NRXN1: variants seen among roughly 807,000 people sequenced by gnomAD.
NRXN1 encodes neurexin-1.
Under a neutral mutation model 150.9 loss-of-function variants are expected in NRXN1, and 39 were observed. That is an observed-to-expected ratio of 0.26 (90% CI 0.20 to 0.34). The LOEUF (loss-of-function observed/expected upper bound fraction) is 0.34. Ranked by LOEUF, NRXN1 falls within the 10% of genes least tolerant of loss-of-function variation. The pLI, the probability that NRXN1 is intolerant of heterozygous loss-of-function variation, is 1.00. For synonymous variants in NRXN1, 924 were observed against 757.0 expected, an observed-to-expected ratio of 1.22 and a Z score of -3.62; for missense variants, 1,815 against 1,949.9, an observed-to-expected ratio of 0.93 and a Z score of 1.30.
intron 5 of NRXN1, among the ~76,000 whole-genome samples, chr2:50,891,067 A>C (rs1680984317): frequency 6.6e-6 from 1 of 151,994 alleles, no homozygotes; most frequent in South Asian, 2.1e-4. Context: ...TTCTGGCCAA[A>C]GGATACTCCA....
At chr2:50,012,376 G>C (rs1204344281) in intron 21 of NRXN1, among the ~76,000 whole-genome samples, 2 of 152,078 alleles carry the variant, frequency 1.3e-5, no homozygotes, top group African/African-American at 2.4e-5. Flanking sequence ...TGGAACAAAT[G>C]TGTTTCTCTT....
chr2:50,078,714 G>C (rs1056517769), intron 19 of NRXN1, among the ~76,000 whole-genome samples: 2 of 151,978 alleles, frequency 1.3e-5, no homozygotes, highest in African/African-American at 2.4e-5. Context: ...TAGTTAGATG[G>C]AACTTATGGA....
chr2:50,339,148 C>T (rs2077382710), intron 17 of NRXN1, among the ~76,000 whole-genome samples: 1 of 152,098 alleles, frequency 6.6e-6, no homozygotes, highest in Admixed American at 6.6e-5. Flanking sequence ...AAGTGTTGTC[C>T]AAATAAGTAA....
chr2:50,381,653 C>A (rs1266746606), intron 17 of NRXN1, among the ~76,000 whole-genome samples: 1 of 151,714 alleles, frequency 6.6e-6, no homozygotes, highest in Non-Finnish European at 1.5e-5. Context: ...AAGAAACTAG[C>A]TCCAGATACT....
At chr2:50,391,540 T>C (rs969295290) in intron 17 of NRXN1, among the ~76,000 whole-genome samples, 2 of 152,172 alleles carry the variant, frequency 1.3e-5, no homozygotes, top group African/African-American at 4.8e-5. Context: ...TTATCACTTA[T>C]TTTGAAAATC....
At chr2:50,899,678 T>C (rs1244798072) in intron 5 of NRXN1, among the ~76,000 whole-genome samples, 2 of 152,170 alleles carry the variant, frequency 1.3e-5, no homozygotes, top group African/African-American at 2.4e-5. Flanking sequence ...AGAAAGTCTG[T>C]AGAAAGACAA....
intron 18 of NRXN1, among the ~76,000 whole-genome samples, chr2:50,111,190 T>G (rs1469304038): frequency 1.3e-5 from 2 of 152,166 alleles, no homozygotes; most frequent in African/African-American, 4.8e-5. Flanking sequence ...ACAAAATTCT[T>G]AGAATTGGGA....
chr2:50,920,706 C>T (rs1685898429), intron 5 of NRXN1, among the ~76,000 whole-genome samples: 1 of 151,650 alleles, frequency 6.6e-6, no homozygotes, highest in Non-Finnish European at 1.5e-5. Context: ...CACAAAACCT[C>T]TAAAATAATT....
intron 5 of NRXN1, among the ~76,000 whole-genome samples, chr2:50,876,572 A>G (rs1040177965): frequency 6.6e-6 from 1 of 151,838 alleles, no homozygotes; most frequent in African/African-American, 2.4e-5. Context: ...ATTATAATGC[A>G]TAATACAATA....
At chr2:50,580,469 T>C (rs1672096837) in intron 8 of NRXN1, among the ~76,000 whole-genome samples, 2 of 152,242 alleles carry the variant, frequency 1.3e-5, no homozygotes, top group African/African-American at 4.8e-5. Flanking sequence ...TTTTTAGTTG[T>C]TACTTGATTA....
chr2:50,090,429 C>CAA (rs1387308155), intron 19 of NRXN1, among the ~76,000 whole-genome samples: 4 of 151,580 alleles, frequency 2.6e-5, no homozygotes, highest in Admixed American at 2.6e-4. Context: ...GTGTGCTTTG[C>CAA]AAAAAACATA....
intron 21 of NRXN1, among the ~76,000 whole-genome samples, chr2:50,000,972 T>A (rs576534719): frequency 1.3e-5 from 2 of 152,238 alleles, no homozygotes; most frequent in Admixed American, 6.5e-5. Context: ...TCAGATAAGA[T>A]AAAAGTCATA....
At chr2:50,753,134 G>C (rs1310484765) in intron 5 of NRXN1, among the ~76,000 whole-genome samples, 1 of 151,664 alleles carries the variant, frequency 6.6e-6, no homozygotes, top group East Asian at 1.9e-4. Flanking sequence ...TACAGGTTTA[G>C]TATTATTTAA....
intron 18 of NRXN1, among the ~76,000 whole-genome samples, chr2:50,123,749 G>A (rs367993544): frequency 3.3e-5 from 5 of 152,268 alleles, no homozygotes; most frequent in African/African-American, 1.2e-4. Flanking sequence ...GATGTGAGAT[G>A]CAGGATGAAG....
At chr2:50,272,419 A>G (rs1482564626) in intron 17 of NRXN1, among the ~76,000 whole-genome samples, 1 of 152,202 alleles carries the variant, frequency 6.6e-6, no homozygotes, top group Non-Finnish European at 1.5e-5. Context: ...AAAACTTGAT[A>G]CTGAAAACAA....
chr2:50,933,217 G>A (rs905531600), intron 2 of NRXN1, among the ~76,000 whole-genome samples: 2 of 152,000 alleles, frequency 1.3e-5, no homozygotes, highest in East Asian at 3.9e-4. Flanking sequence ...AAAAGCACTC[G>A]TTTCATACCC....
chr2:50,860,160 T>G (rs1675911776), intron 5 of NRXN1, among the ~76,000 whole-genome samples: 1 of 151,966 alleles, frequency 6.6e-6, no homozygotes, highest in Admixed American at 6.6e-5. Flanking sequence ...CAACAATTAT[T>G]TGGTGGTGAC....
At chr2:50,781,485 A>G (rs752989853) in intron 5 of NRXN1, among the ~76,000 whole-genome samples, 8 of 152,152 alleles carry the variant, frequency 5.3e-5, no homozygotes, top group Non-Finnish European at 1.2e-4. Context: ...AGAATAAAAG[A>G]TTTTGTGAAG....
chr2:50,134,396 G>A (rs996329569), intron 18 of NRXN1, among the ~76,000 whole-genome samples: 2 of 152,140 alleles, frequency 1.3e-5, no homozygotes, highest in African/African-American at 4.8e-5. Flanking sequence ...GACTGCACGT[G>A]GTGGATAACC....
Sources: gnomAD v4.1 joint callset for allele counts (sites outside exome capture counted in the v4.1 genomes callset) on GRCh38, gnomAD v4.1.1 for gene constraint, MANE v1.5 for transcripts, NCBI Gene and HGNC (gene_info 2026-07-23, HGNC 2026-07-21) for gene names.